KLRG1: variants seen among roughly 807,000 people sequenced by gnomAD.
KLRG1 encodes the protein killer cell lectin-like receptor subfamily G member 1.
A neutral mutation model predicts 21.8 loss-of-function variants in KLRG1; 16 were observed. The observed-to-expected ratio is 0.73, with a 90% CI of 0.50 to 1.11. KLRG1 has a LOEUF of 1.11. Among genes scored for constraint, KLRG1 ranks in the 50% most tolerant of loss-of-function variants. KLRG1 has a pLI of 0.00. For missense variants in KLRG1, 173 were observed against 218.3 expected, an observed-to-expected ratio of 0.79 and a Z score of 1.31; for synonymous variants, 69 against 75.9, an observed-to-expected ratio of 0.91 and a Z score of 0.47.
the KLRG1 span, among the ~76,000 whole-genome samples, chr12:9,056,802 C>T: frequency 6.6e-6 from 1 of 152,306 alleles, no homozygotes; most frequent in South Asian, 2.1e-4. Context: ...ATCATTCTGC[C>T]ATGGCCTCCC....
At chr12:9,167,976 AG>A in the KLRG1 span, among the ~76,000 whole-genome samples, 1 of 152,180 alleles carries the variant, frequency 6.6e-6, no homozygotes, top group African/African-American at 2.4e-5. Flanking sequence ...CTATCATTGA[AG>A]GTATACTTAA....
At chr12:9,077,013 C>T in the KLRG1 span, 1 of 1,401,212 alleles carries the variant, frequency 7.1e-7, no homozygotes, top group Non-Finnish European at 9.5e-7. Context: ...ACACGGATCA[C>T]AGCACAGAAG....
the KLRG1 span, among the ~76,000 whole-genome samples, chr12:9,198,169 C>A: frequency 6.6e-6 from 1 of 150,990 alleles, no homozygotes; most frequent in Non-Finnish European, 1.5e-5. Flanking sequence ...GGTAACATAG[C>A]AGGACCCAAT....
At chr12:8,953,633 A>G (rs185616032) in intron 1 of KLRG1, among the ~76,000 whole-genome samples, 7 of 152,254 alleles carry the variant, frequency 4.6e-5, no homozygotes, top group African/African-American at 9.6e-5. Flanking sequence ...TCATGATTAT[A>G]TTTAAGTTTG....
At chr12:9,017,139 C>A in the KLRG1 span, among the ~76,000 whole-genome samples, 1 of 151,524 alleles carries the variant, frequency 6.6e-6, no homozygotes, top group African/African-American at 2.4e-5. Flanking sequence ...TGGTGGGCAT[C>A]TGTAATCCTA....
chr12:9,177,374 C>T, the KLRG1 span, among the ~76,000 whole-genome samples: 1 of 152,192 alleles, frequency 6.6e-6, no homozygotes, highest in African/African-American at 2.4e-5. Flanking sequence ...GCAGATCTTC[C>T]AACCTCTGTC....
chr12:8,996,828 T>C (rs1224125051), intron 3 of KLRG1, among the ~76,000 whole-genome samples: 1 of 152,196 alleles, frequency 6.6e-6, no homozygotes, highest in African/African-American at 2.4e-5. Context: ...CATTCTGATA[T>C]AGTGACTCTC....
chr12:9,113,731 G>T, the KLRG1 span, among the ~76,000 whole-genome samples: 1 of 152,198 alleles, frequency 6.6e-6, no homozygotes, highest in South Asian at 2.1e-4. Flanking sequence ...ACATGCCATG[G>T]CAGTGAACAT....
intron 1 of KLRG1, among the ~76,000 whole-genome samples, chr12:8,965,233 C>G (rs768592050): frequency 3.9e-5 from 6 of 152,286 alleles, no homozygotes; most frequent in African/African-American, 1.4e-4. Context: ...TGATATCATA[C>G]TGAATGGGCA....
the KLRG1 span, among the ~76,000 whole-genome samples, chr12:9,021,120 A>T: frequency 1.3e-5 from 2 of 152,316 alleles, no homozygotes; most frequent in East Asian, 3.9e-4. Context: ...CCTGCATATG[A>T]CACTTACCAT....
At chr12:9,106,913 C>A in the KLRG1 span, among the ~76,000 whole-genome samples, 1 of 151,944 alleles carries the variant, frequency 6.6e-6, no homozygotes, top group Non-Finnish European at 1.5e-5. Flanking sequence ...TTATGGGGTA[C>A]ACGAGATATT....
At chr12:9,112,531 T>C in the KLRG1 span, 1 of 1,613,678 alleles carries the variant, frequency 6.2e-7, no homozygotes, top group East Asian at 2.2e-5. Flanking sequence ...ATGAAGACTT[T>C]GGGACCTGAA....
the KLRG1 span, among the ~76,000 whole-genome samples, chr12:9,117,533 C>T: frequency 3.3e-5 from 5 of 152,072 alleles, no homozygotes; most frequent in African/African-American, 4.8e-5. Flanking sequence ...TGGCTCGTCA[C>T]GGAGTGAATT....
chr12:9,047,860 A>G, the KLRG1 span, among the ~76,000 whole-genome samples: 45 of 152,352 alleles, frequency 3.0e-4, no homozygotes, highest in Non-Finnish European at 5.3e-4. Flanking sequence ...CAGCGGTCAA[A>G]ATATGTGGAG....
the KLRG1 span, chr12:9,158,665 G>A: frequency 7.5e-7 from 1 of 1,333,444 alleles, no homozygotes; most frequent in African/African-American, 1.5e-5. Flanking sequence ...CCATCACAGT[G>A]TGCACCCAAG....
At chr12:8,980,957 G>A (rs1259648253) in intron 1 of KLRG1, among the ~76,000 whole-genome samples, 2 of 152,176 alleles carry the variant, frequency 1.3e-5, no homozygotes, top group East Asian at 3.8e-4. Context: ...TGCCAGCCTG[G>A]GGAATGGGGT....
the KLRG1 span, among the ~76,000 whole-genome samples, chr12:9,114,595 A>G: frequency 3.9e-5 from 6 of 152,072 alleles, no homozygotes; most frequent in Non-Finnish European, 2.9e-5. Flanking sequence ...CATGCCAATT[A>G]CCATACAGAA....
chr12:9,132,354 G>A, the KLRG1 span, among the ~76,000 whole-genome samples: 1 of 152,180 alleles, frequency 6.6e-6, no homozygotes, highest in Non-Finnish European at 1.5e-5. Context: ...AAACGACATG[G>A]GTTGTGAAAC....
chr12:8,952,569 T>C (rs775585762), intron 1 of KLRG1, among the ~76,000 whole-genome samples: 1 of 152,348 alleles, frequency 6.6e-6, no homozygotes, highest in South Asian at 2.1e-4. Flanking sequence ...AATTTTAATA[T>C]ATTTATCATT....
Sources: allele counts gnomAD v4.1 joint callset (sites outside exome capture counted in the v4.1 genomes callset), GRCh38; gene constraint gnomAD v4.1.1; transcripts MANE v1.5; gene names NCBI Gene and HGNC (gene_info 2026-07-23, HGNC 2026-07-21).